The following PTGER3 variants were observed in gnomAD, a reference collection of about 807,000 sequenced individuals.
PTGER3 encodes prostaglandin E receptor 3.
In PTGER3, 22 loss-of-function variants were observed where a neutral mutation model predicts 34.7. The ratio of observed to expected loss-of-function variants is 0.63; its 90% CI spans 0.45 to 0.91. The LOEUF (loss-of-function observed/expected upper bound fraction) is 0.91, where lower values mean the gene tolerates loss of function less well. Ranked by LOEUF, PTGER3 falls within the 40% of genes least tolerant of loss-of-function variation. The pLI is 0.00. For synonymous variants in PTGER3, 241 were observed against 230.1 expected (o/e 1.05, Z -0.43); for missense variants, 468 against 519.4 (o/e 0.90, Z 0.96).
chr1:70,962,387 A>G (rs1051724242), intron 2 of PTGER3, among the ~76,000 whole-genome samples: 5 of 150,834 alleles, frequency 3.3e-5, no homozygotes, highest in African/African-American at 5.0e-5. Context: ...TAAATGTAAA[A>G]TTAGCTCTGT....
intron 3 of PTGER3, among the ~76,000 whole-genome samples, chr1:70,972,199 T>C (rs538631576): frequency 6.6e-6 from 1 of 152,232 alleles, no homozygotes; most frequent in East Asian, 1.9e-4. Context: ...GGTGTGCACC[T>C]GTAGTCCCAG....
At chr1:70,961,210 G>C (rs947460750) in intron 2 of PTGER3, among the ~76,000 whole-genome samples, 2 of 152,208 alleles carry the variant, frequency 1.3e-5, no homozygotes, top group Admixed American at 1.3e-4. Flanking sequence ...CTCCAGGGAA[G>C]AGCCTAAAAT....
At chr1:71,017,160 T>G (rs1052399992) in intron 1 of PTGER3, among the ~76,000 whole-genome samples, 1 of 152,012 alleles carries the variant, frequency 6.6e-6, no homozygotes, top group African/African-American at 2.4e-5. Context: ...TAATCCTAGA[T>G]TACCTGCGTG....
Position 71,012,436 on chromosome 1 carries a change from T to C in PTGER3, c.946A>G (p.Lys316Glu). ...TCTTTCTGCTTCTCCGTGTGTGTCT[T>C]GCAGTGCTCAACTGATGTCTGATTG... Reference protein sequence around the residue: ...IFNQTSVEHCKTHTEKQKECN... With the variant: ...IFNQTSVEHCETHTEKQKECN... The change falls in exon 2 of 4, where the codon AAG becomes GAG. Residue 316 changes from lysine to glutamate, a missense_variant. Lys to Glu is a moderately conservative substitution (Grantham distance 56). Coordinates refer to ENST00000306666, the MANE Select transcript of PTGER3 (RefSeq NM_198719.2). 2 of 1,614,154 alleles carry C rather than the reference T, an allele frequency of 1.2e-6. No individual in the cohort carries two copies. Among genetic ancestry groups the C allele is most frequent in the Non-Finnish European group, 1.7e-6 (2 of 1,180,032 alleles).
At chr1:70,992,097 C>T (rs1655533231) in intron 2 of PTGER3, among the ~76,000 whole-genome samples, 1 of 152,146 alleles carries the variant, frequency 6.6e-6, no homozygotes, top group Non-Finnish European at 1.5e-5. Flanking sequence ...ATACTGAGCC[C>T]TGAGGAGGGT....
intron 4 of PTGER3, among the ~76,000 whole-genome samples, chr1:70,874,994 G>T (rs1234452006): frequency 6.6e-6 from 1 of 152,054 alleles, no homozygotes; most frequent in Non-Finnish European, 1.5e-5. Flanking sequence ...ATTCCTCTGC[G>T]CATTCTGACA....
chr1:70,900,051 A>C (rs1056184820), intron 4 of PTGER3, among the ~76,000 whole-genome samples: 2 of 152,190 alleles, frequency 1.3e-5, no homozygotes, highest in Non-Finnish European at 2.9e-5. Flanking sequence ...ACAGAGGTGC[A>C]AGCTTGAACT....
chr1:70,981,277 CTT>C, intron 2 of PTGER3, among the ~76,000 whole-genome samples: 2 of 150,432 alleles, frequency 1.3e-5, no homozygotes, highest in Admixed American at 6.6e-5. Flanking sequence ...TTTTCCTTTT[CTT>C]TTCTCTCTCT....
intron 4 of PTGER3, among the ~76,000 whole-genome samples, chr1:70,941,135 T>C (rs1247582117): frequency 1.3e-5 from 2 of 152,202 alleles, no homozygotes; most frequent in African/African-American, 4.8e-5. Flanking sequence ...ACAGTGCATA[T>C]CTAATGCAAT....
At position 71,047,088 on chromosome 1, in the gene PTGER3, A is replaced by G. The variant is rs747455158; in HGVS notation, c.490T>C (p.Trp164Arg). 1.2e-6 allele frequency: 2 copies of G among 1,609,608 alleles called. No individual in the cohort carries two copies. The highest frequency in any genetic ancestry group is 4.5e-5 in the East Asian group (2 of 44,730). ...CGCGTCTTCATGTGGCTCGCATACC[A>G]GTGCGGCGCCCTGATGGCCAGCGCC... ...ERALAIRAPH[W>R]YASHMKTRAT... The change falls in exon 1 of 4, where the codon TGG becomes CGG. Residue 164 changes from tryptophan to arginine, a missense_variant. Trp to Arg is a moderately radical substitution (Grantham distance 101, BLOSUM62 -3). Coordinates refer to ENST00000306666, the MANE Select transcript of PTGER3 (RefSeq NM_198719.2).
At chr1:70,949,221 A>C (rs901798684), downstream of PTGER3, among the ~76,000 whole-genome samples, 1 of 152,192 alleles carries the variant, frequency 6.6e-6, no homozygotes, top group African/African-American at 2.4e-5. Context: ...TCCCTTAAGA[A>C]GTTTAGTATT....
chr1:70,908,553 A>G (rs1042306092), intron 4 of PTGER3, among the ~76,000 whole-genome samples: 4 of 152,046 alleles, frequency 2.6e-5, no homozygotes, highest in African/African-American at 9.7e-5. Flanking sequence ...ATTATTGGCT[A>G]TTTTCCCTTC....
At chr1:70,911,716 GT>G (rs948485717) in intron 4 of PTGER3, among the ~76,000 whole-genome samples, 1 of 152,052 alleles carries the variant, frequency 6.6e-6, no homozygotes, top group African/African-American at 2.4e-5. Flanking sequence ...CTTAGACAAG[GT>G]TAGATTTCAT....
chr1:70,862,019 A>G (rs1188258107), intron 4 of PTGER3, among the ~76,000 whole-genome samples: 4 of 151,878 alleles, frequency 2.6e-5, no homozygotes, highest in Admixed American at 6.6e-5. Flanking sequence ...TGTTTAATCA[A>G]TGAAAAGTGG....
intron 3 of PTGER3, among the ~76,000 whole-genome samples, chr1:70,972,809 T>A (rs1340562370): frequency 6.6e-6 from 1 of 151,888 alleles, no homozygotes; most frequent in Admixed American, 6.6e-5. Context: ...TAAAACAAAA[T>A]TAAAAAACTG....
chr1:70,928,594 C>T (rs1006032489), intron 4 of PTGER3, among the ~76,000 whole-genome samples: 1 of 152,044 alleles, frequency 6.6e-6, no homozygotes, highest in African/African-American at 2.4e-5. Context: ...GACAGTGCCA[C>T]TACACTTTAG....
intron 2 of PTGER3, among the ~76,000 whole-genome samples, chr1:70,981,091 GA>G (rs1654213180): frequency 6.6e-6 from 1 of 152,036 alleles, no homozygotes; most frequent in Non-Finnish European, 1.5e-5. Context: ...ACTGTTAATA[GA>G]AACAAAATTA....
At chr1:71,038,716 A>C (rs1329176458) in intron 1 of PTGER3, among the ~76,000 whole-genome samples, 3 of 152,220 alleles carry the variant, frequency 2.0e-5, no homozygotes, top group Non-Finnish European at 4.4e-5. Flanking sequence ...CACAAATAAT[A>C]TTAATGTGTT....
At chr1:70,874,953 T>A (rs1273911057) in intron 4 of PTGER3, among the ~76,000 whole-genome samples, 2 of 152,238 alleles carry the variant, frequency 1.3e-5, no homozygotes, top group East Asian at 3.8e-4. Flanking sequence ...CCTTTGGGTT[T>A]TCTATTTGCC....
Sources: allele counts gnomAD v4.1 joint callset (sites outside exome capture counted in the v4.1 genomes callset), GRCh38; gene constraint gnomAD v4.1.1; transcripts MANE v1.5; gene names NCBI Gene and HGNC (gene_info 2026-07-23, HGNC 2026-07-21).